NUBPL: variants seen among roughly 807,000 people sequenced by gnomAD.
The protein encoded by NUBPL is NUBP iron-sulfur cluster assembly factor, mitochondrial.
NUBPL carries 31 observed loss-of-function variants against 45.7 expected under a neutral mutation model. The observed-to-expected ratio is 0.68, with a 90% CI of 0.51 to 0.92. NUBPL has a LOEUF of 0.92. NUBPL is among the 40% of genes least tolerant of loss of function. The probability of loss-of-function intolerance (pLI) is 0.00; values close to 1 mark genes in which losing one functional copy is unlikely to be tolerated. For missense variants in NUBPL, 401 were observed against 398.7 expected (o/e 1.01, Z -0.05); for synonymous variants, 144 against 140.9 (o/e 1.02, Z -0.15).
At chr14:31,755,014 C>T (rs1487225736) in intron 6 of NUBPL, among the ~76,000 whole-genome samples, 2 of 151,776 alleles carry the variant, frequency 1.3e-5, no homozygotes, top group Non-Finnish European at 2.9e-5. Context: ...CATGTCCCTA[C>T]AAAGGACATG....
At chr14:31,577,374 T>C (rs1215746276) in intron 3 of NUBPL, among the ~76,000 whole-genome samples, 1 of 152,222 alleles carries the variant, frequency 6.6e-6, no homozygotes, top group Admixed American at 6.5e-5. Flanking sequence ...GGGTAGTTCT[T>C]ATGGCCTACA....
intron 7 of NUBPL, among the ~76,000 whole-genome samples, chr14:31,805,671 C>G (rs2039671403): frequency 6.6e-6 from 1 of 151,968 alleles, no homozygotes; most frequent in Non-Finnish European, 1.5e-5. Context: ...AAAAAAACAC[C>G]CCATGTTCTC....
chr14:31,699,788 T>C (rs1180653176), intron 6 of NUBPL, among the ~76,000 whole-genome samples: 1 of 152,216 alleles, frequency 6.6e-6, no homozygotes, highest in African/African-American at 2.4e-5. Context: ...TTGTGAAGTT[T>C]ATATGGAGAC....
chr14:31,815,048 A>G (rs2039888228), intron 7 of NUBPL, among the ~76,000 whole-genome samples: 1 of 152,174 alleles, frequency 6.6e-6, no homozygotes, highest in Non-Finnish European at 1.5e-5. Context: ...ATGAAACTTA[A>G]AGTACCTTTT....
chr14:31,701,282 G>A (rs1595514895), intron 6 of NUBPL, among the ~76,000 whole-genome samples: 1 of 152,074 alleles, frequency 6.6e-6, no homozygotes, highest in African/African-American at 2.4e-5. Flanking sequence ...GAACTTTTAT[G>A]TCTAGCTAGA....
chr14:31,846,561 C>G lies in NUBPL; in HGVS notation c.784C>G (p.Leu262Val). The G allele has an allele frequency of 6.2e-7, 1 of 1,613,638 alleles. No homozygotes were observed. Among genetic ancestry groups the G allele is most frequent in the Middle Eastern group, 1.6e-4 (1 of 6,062 alleles). The stretch of plus-strand genomic sequence containing the variant: ...TTTTGGTGCTGATGGTGCAAGGAAA[C>G]TAGCACAGACCCTTGGTCTTGAAGT... ...HIFGADGARK[L>V]AQTLGLEVLG... The change falls in exon 9 of 11, where the codon CTA (leucine) becomes GTA (valine). Residue 262 changes from leucine to valine, a missense_variant. Leu to Val is a conservative substitution (Grantham distance 32). Coordinates refer to ENST00000281081, the MANE Select transcript of NUBPL (RefSeq NM_025152.3).
Position 31,742,854 on chromosome 14 carries a change from G to A in NUBPL, c.514-44926G>A, listed in dbSNP as rs192400167. 1.9e-4 allele frequency among the ~76,000 whole-genome samples: 29 copies of A among 150,466 alleles called. No homozygotes were observed. The East Asian group carries it at 5.3e-3, about 27-fold the overall frequency. On this transcript the variant is annotated intron_variant, in intron 6 of 10. Coordinates refer to ENST00000281081, the MANE Select transcript of NUBPL (RefSeq NM_025152.3). ...ACTCCTGACCTCAAGTAATATGCCT[G>A]CCTCAGCCTCCCGAAGTGCTGGGAT...
chr14:31,689,062 C>G (rs1197038814), intron 6 of NUBPL, among the ~76,000 whole-genome samples: 2 of 151,494 alleles, frequency 1.3e-5, no homozygotes, highest in African/African-American at 4.9e-5. Context: ...TTTATTCAGT[C>G]TACCATTGAT....
intron 6 of NUBPL, among the ~76,000 whole-genome samples, chr14:31,679,934 T>C (rs1316973596): frequency 6.6e-6 from 1 of 152,156 alleles, no homozygotes; most frequent in Non-Finnish European, 1.5e-5. Context: ...TTATAGTTTT[T>C]AGCATATAGG....
chr14:31,702,270 C>A (rs2037357473), intron 6 of NUBPL, among the ~76,000 whole-genome samples: 1 of 152,144 alleles, frequency 6.6e-6, no homozygotes, highest in Admixed American at 6.5e-5. Flanking sequence ...CATTGCCAAC[C>A]AGGGAAGCTC....
At chr14:31,693,053 A>G (rs558615095) in intron 6 of NUBPL, among the ~76,000 whole-genome samples, 2 of 152,272 alleles carry the variant, frequency 1.3e-5, no homozygotes, top group East Asian at 3.9e-4. Context: ...CCATTTTGAT[A>G]TAAAGTCAGT....
chr14:31,611,790 C>T (rs565336697), intron 4 of NUBPL, among the ~76,000 whole-genome samples: 19 of 152,104 alleles, frequency 1.2e-4, no homozygotes, highest in South Asian at 2.1e-4. Context: ...AATTCATTTT[C>T]GACAAAGTTT....
chr14:31,848,299 G>T (rs568896511), intron 9 of NUBPL, among the ~76,000 whole-genome samples: 2 of 152,296 alleles, frequency 1.3e-5, no homozygotes, highest in South Asian at 4.1e-4. Flanking sequence ...GTGGAGCAGG[G>T]CTTCAATTAT....
chr14:31,743,608 G>T (rs569273246), intron 6 of NUBPL, among the ~76,000 whole-genome samples: 1 of 152,260 alleles, frequency 6.6e-6, no homozygotes, highest in East Asian at 1.9e-4. Flanking sequence ...TCGAACTCCT[G>T]AAGTCTGGTG....
intron 6 of NUBPL, among the ~76,000 whole-genome samples, chr14:31,778,990 T>A (rs1468362959): frequency 6.6e-6 from 1 of 152,084 alleles, no homozygotes; most frequent in African/African-American, 2.4e-5. Context: ...GAAAGGTAAG[T>A]AAAGTGGCAG....
intron 6 of NUBPL, among the ~76,000 whole-genome samples, chr14:31,679,501 G>A (rs10131543): frequency 0.084 from 12,785 of 152,058 alleles, 632 homozygotes; most frequent in African/African-American, 0.14. Context: ...AGTTATGTTA[G>A]CATCATTTGT....
At position 31,764,144 on chromosome 14, in the gene NUBPL, C is replaced by T. The variant is rs560936645; in HGVS notation, c.514-23636C>T. Among the ~76,000 whole-genome samples the T allele has an allele frequency of 1.1e-4, 17 of 152,232 alleles. No homozygotes were observed. In the East Asian group the frequency reaches 1.9e-3, roughly 17 times the overall value. The stretch of plus-strand genomic sequence containing the variant: ...CATGGCTTACACCTCAAACTCTGGC[C>T]TGCATTCTGTTATGTATGTGCCACT... On this transcript the variant is annotated intron_variant, in intron 6 of 10. Transcript: ENST00000281081.
chr14:31,573,975 A>G (rs1485081247), intron 3 of NUBPL, among the ~76,000 whole-genome samples: 1 of 152,202 alleles, frequency 6.6e-6, no homozygotes, highest in African/African-American at 2.4e-5. Context: ...GGAGCATGTT[A>G]AGTGAAGAGT....
At chr14:31,713,889 G>A (rs1355973242) in intron 6 of NUBPL, among the ~76,000 whole-genome samples, 1 of 152,138 alleles carries the variant, frequency 6.6e-6, no homozygotes, top group Non-Finnish European at 1.5e-5. Context: ...CCTTAAAAAT[G>A]TATCTGTATC....
Sources: gnomAD v4.1 joint callset for allele counts (sites outside exome capture counted in the v4.1 genomes callset) on GRCh38, gnomAD v4.1.1 for gene constraint, MANE v1.5 for transcripts, NCBI Gene and HGNC (gene_info 2026-07-23, HGNC 2026-07-21) for gene names.